Variants in CTU2 observed in about 807,000 individuals in gnomAD.
CTU2 encodes the protein cytoplasmic tRNA 2-thiolation protein 2.
A neutral mutation model predicts 64.1 loss-of-function variants in CTU2; 80 were observed. The ratio of observed to expected loss-of-function variants is 1.25; its 90% CI spans 1.04 to 1.50. The LOEUF (loss-of-function observed/expected upper bound fraction) is 1.50, where lower values mean the gene tolerates loss of function less well. CTU2 is among the 40% of genes most tolerant of loss of function. The pLI, the probability that CTU2 is intolerant of heterozygous loss-of-function variation, is 0.00. For missense variants in CTU2, 1,110 were observed against 690.2 expected (o/e 1.61, Z -6.81); for synonymous variants, 482 against 285.3 (o/e 1.69, Z -6.95).
intron 4 of CTU2, 29 bp from the exon 5 acceptor site, chr16:88,711,606 G>A (rs1567647958): frequency 6.3e-7 from 1 of 1,577,534 alleles, no homozygotes; most frequent in East Asian, 2.3e-5. Context: ...TATGGCTGGG[G>A]GCTGAGTCCC....
In CTU2 at chr16:88,712,665, A is replaced by AAGCTG; in HGVS notation, c.497_498insAGCTG (p.Leu167AlafsTer68). On this transcript the variant is annotated frameshift_variant, in exon 7 of 15. Coordinates refer to ENST00000453996, the MANE Select transcript of CTU2 (RefSeq NM_001012759.3). LOFTEE classifies it high-confidence loss of function. ...TCGGTGCTTTGGTGCTCTGCCCAGG[A>AAGCTG]GCTGGTGGGATCCGAGGGGGCCTAC... is the stretch of plus-strand genomic sequence containing the variant. 1.9e-6 allele frequency: 3 copies of AAGCTG among 1,610,552 alleles called. No homozygotes were observed. The highest frequency in any genetic ancestry group is 2.5e-6 in the Non-Finnish European group (3 of 1,179,554).
intron 1 of CTU2, 24 bp downstream of exon 1, chr16:88,706,622 C>G: frequency 7.3e-7 from 1 of 1,377,238 alleles, no homozygotes; most frequent in Non-Finnish European, 9.3e-7. Flanking sequence ...GCCGGACCCG[C>G]CAGGCCGCCC....
At chr16:88,711,751 A>C in intron 5 of CTU2, 56 bp downstream of exon 5, 2 of 1,523,294 alleles carry the variant, frequency 1.3e-6, no homozygotes, top group East Asian at 2.3e-5. Context: ...AGCCCTGCGG[A>C]TCCTCCCTCT....
chr16:88,709,866 C>G, intron 2 of CTU2, 72 bp from the exon 3 acceptor site: 4 of 1,277,724 alleles, frequency 3.1e-6, no homozygotes, highest in South Asian at 1.2e-5. Flanking sequence ...ACGTCGTCAC[C>G]TGGCAGCGCC....
In CTU2 at chr16:88,715,301, C is replaced by A. The variant is rs749871444; in HGVS notation, c.*50C>A. 3 of 1,581,072 alleles carry A rather than the reference C, an allele frequency of 1.9e-6. No homozygotes were observed. Among genetic ancestry groups the A allele is most frequent in the Non-Finnish European group, 2.6e-6 (3 of 1,161,660 alleles). On this transcript the variant is annotated 3_prime_UTR_variant, in exon 15 of 15. Transcript: ENST00000453996. ...AGCAGGCAGTGGCCACCTGGTACAC[C>A]ACACTGGAGCCGGAAGGCAAGGACG... is the stretch of plus-strand genomic sequence containing the variant.
intron 2 of CTU2, 91 bp downstream of exon 2, chr16:88,707,301 T>G: frequency 8.4e-7 from 1 of 1,184,522 alleles, no homozygotes; most frequent in Non-Finnish European, 1.3e-6. Context: ...TAATTCTTTT[T>G]AAAAACATGT....
chr16:88,711,841 C>G lies in CTU2; in HGVS notation c.343+146C>G, dbSNP rs914982505. On this transcript the variant is annotated intron_variant, in intron 5 of 14. Transcript: ENST00000453996. ...ACTGGTGCTGCCCCTGCACTGAGGGCCTGGTGGGGACATCTCCCTGAAGGA... is the reference window on the plus strand; with the variant it reads ...ACTGGTGCTGCCCCTGCACTGAGGGGCTGGTGGGGACATCTCCCTGAAGGA... The G allele has an allele frequency of 1.3e-5, 9 of 716,828 alleles. No individual in the cohort carries two copies. In the Admixed American group the frequency reaches 1.4e-4, roughly 11 times the overall value. The allele number at this position is 716,828 out of a possible 1,614,324, so 44.4% of individuals were successfully genotyped here. A position where few individuals can be genotyped will look rare whatever the true frequency, so the allele number is the denominator to read the frequency against.
intron 9 of CTU2, 49 bp from the exon 10 acceptor site, chr16:88,714,087 G>C: frequency 6.4e-7 from 1 of 1,568,904 alleles, no homozygotes; most frequent in Non-Finnish European, 8.8e-7. Flanking sequence ...GCCCCAGCCT[G>C]GGGCTGGCCT....
chr16:88,712,617 G>A lies in CTU2; in HGVS notation c.454-5G>A, dbSNP rs781731590. 3.1e-5 allele frequency: 50 copies of A among 1,608,616 alleles called. No individual in the cohort carries two copies. Among genetic ancestry groups the A allele is most frequent in the African/African-American group, 5.3e-5 (4 of 74,820 alleles). ...GCCTCACTGGCGTCTCCCTCATCCC[G>A]GAAGGTGTTCAGCCTGCCACCGTCG... On this transcript the variant is annotated splice_region_variant and splice_polypyrimidine_tract_variant and intron_variant, in intron 6 of 14. Coordinates refer to ENST00000453996, the MANE Select transcript of CTU2 (RefSeq NM_001012759.3).
rs1239400645 is a variant in CTU2 at position 88,711,956 on chromosome 16, G to T, written c.343+261G>T. 8.3e-6 allele frequency: 5 copies of T among 603,682 alleles called. No homozygotes were observed. In the East Asian group the frequency reaches 1.4e-4, roughly 17 times the overall value. 37.4% of individuals were successfully genotyped at this position (603,682 alleles called of 1,614,324 possible). ...AGTCGGGGGTGGGAGCAGGAGTGGC[G>T]GCTGCCCAGCCCCCATCACGGGGTC... On this transcript the variant is annotated intron_variant, in intron 5 of 14. Transcript: ENST00000453996.
At position 88,708,420 on chromosome 16, in the gene CTU2, G is replaced by GC. The variant is rs561056205; in HGVS notation, c.143+1210_143+1211insC. Among the ~76,000 whole-genome samples the GC allele has an allele frequency of 6.1e-3, 923 of 152,264 alleles. 12 individuals carry two copies. Among genetic ancestry groups the GC allele is most frequent in the African/African-American group, 0.021 (863 of 41,546 alleles). Reference sequence around the variant, plus strand: ...AGGAGCCCAGACGCAGCATGTACACGTGGACCCACCACGCTTGAATCCCAG... The same window carrying GC: ...AGGAGCCCAGACGCAGCATGTACACGCTGGACCCACCACGCTTGAATCCCAG... On this transcript the variant is annotated intron_variant, in intron 2 of 14. Transcript: ENST00000453996.
intron 5 of CTU2, chr16:88,711,986 G>A (rs1028304774): frequency 1.3e-4 from 80 of 612,448 alleles, no homozygotes; most frequent in Non-Finnish European, 2.2e-4. Flanking sequence ...GGGGTCTGGG[G>A]ACAAAGAAGG....
chr16:88,715,185 C>T lies in CTU2; in HGVS notation c.1482C>T (p.Ala494=), dbSNP rs763406281. 1.4e-5 allele frequency: 22 copies of T among 1,612,310 alleles called. No homozygotes were observed. In the East Asian group the frequency reaches 1.6e-4, roughly 11 times the overall value. The stretch of plus-strand genomic sequence containing the variant: ...CCCACTGCAGCTTTCTCTCTAGGGC[C>T]TGGGGCTTGCAGGAGATCCGGGACT... The part of the protein sequence containing the change: ...LAEAQLRTQR[A]WGLQEIRDCL... Residue 494 remains alanine, a synonymous_variant, in exon 15 of 15, where the codon GCC becomes GCT. Transcript: ENST00000453996.
intron 2 of CTU2, 61 bp downstream of exon 2, chr16:88,707,271 C>A: frequency 7.0e-7 from 1 of 1,430,570 alleles, no homozygotes; most frequent in Non-Finnish European, 9.9e-7. Context: ...ACAGGATAGC[C>A]GCAACTTGTG....
At position 88,712,829 on chromosome 16, in the gene CTU2, C is replaced by G. The variant is rs1226516149; in HGVS notation, c.661C>G (p.Gln221Glu). 1.3e-6 allele frequency: 2 copies of G among 1,592,416 alleles called. No individual in the cohort carries two copies. The highest frequency in any genetic ancestry group is 8.5e-7 in the Non-Finnish European group (1 of 1,170,508). The change falls in exon 7 of 15, where the codon CAG becomes GAG. Residue 221 changes from glutamine (Q) to glutamate (E), a missense_variant. Gln to Glu is a conservative substitution (Grantham distance 29). Coordinates refer to ENST00000453996, the MANE Select transcript of CTU2 (RefSeq NM_001012759.3). ...CCTGGCAAGACCGCCTGCCCCTGCC[C>G]AGACTGAGGCTCTTTCCCAACTGTT... ...QNLARPPAPA[Q>E]TEALSQLFCS...
chr16:88,715,146 C>G, intron 14 of CTU2, 36 bp from the exon 15 acceptor site: 1 of 1,608,688 alleles, frequency 6.2e-7, no homozygotes, highest in South Asian at 1.1e-5. Flanking sequence ...GGGTAAGGGG[C>G]CTCGGGGCTG....
Position 88,714,740 on chromosome 16 carries a change from G to A in CTU2, c.1352+3G>A, listed in dbSNP as rs769186566. ...TGTGGCCAGGGGGCCTGCAGGAGGTGAGTCCCTGTCCCTGCCACCCATGGC... is the reference window on the plus strand; with the variant it reads ...TGTGGCCAGGGGGCCTGCAGGAGGTAAGTCCCTGTCCCTGCCACCCATGGC... On this transcript the variant is annotated splice_donor_region_variant and intron_variant, in intron 12 of 14. Coordinates refer to ENST00000453996, the MANE Select transcript of CTU2 (RefSeq NM_001012759.3). 39 of 1,606,896 alleles carry A rather than the reference G, an allele frequency of 2.4e-5. No homozygotes were observed. Among genetic ancestry groups the A allele is most frequent in the African/African-American group, 5.3e-5 (4 of 74,796 alleles).
rs567506122 is a variant in CTU2 at position 88,711,442 on chromosome 16, C to T, written c.283-193C>T. On this transcript the variant is annotated intron_variant, in intron 4 of 14. Transcript: ENST00000453996. ...CCCCAGGCTACCCTTTAAAATAAGT[C>T]GGGCGTGCGGCCTCGCCTACTGGGC... is the stretch of plus-strand genomic sequence containing the variant. Among the ~76,000 whole-genome samples the T allele has an allele frequency of 5.9e-5, 9 of 152,294 alleles. No individual in the cohort carries two copies. In the South Asian group the frequency reaches 8.3e-4, roughly 14 times the overall value.
In CTU2 at chr16:88,712,787, C is replaced by T; in HGVS notation, c.619C>T (p.Pro207Ser). ...AGGGGAGGAACAGCCACCCCAGCCCCCGCTGGACCCCCAGAACCTGGCAAG... is the reference window on the plus strand; with the variant it reads ...AGGGGAGGAACAGCCACCCCAGCCCTCGCTGGACCCCCAGAACCTGGCAAG... Reference protein sequence around the residue: ...TQGEEQPPQPPLDPQNLARPP... With the variant: ...TQGEEQPPQPSLDPQNLARPP... The change falls in exon 7 of 15, where the codon CCG becomes TCG. Residue 207 changes from proline to serine, a missense_variant. Coordinates refer to ENST00000453996, the MANE Select transcript of CTU2 (RefSeq NM_001012759.3). 3 of 1,608,034 alleles carry T rather than the reference C, an allele frequency of 1.9e-6. No individual in the cohort carries two copies. The highest frequency in any genetic ancestry group is 2.2e-5 in the South Asian group (2 of 90,692).
Sources: allele counts gnomAD v4.1 joint callset (sites outside exome capture counted in the v4.1 genomes callset), GRCh38; gene constraint gnomAD v4.1.1; transcripts MANE v1.5; gene names NCBI Gene and HGNC (gene_info 2026-07-23, HGNC 2026-07-21).